The following LRRC9 variants were observed in gnomAD, a reference collection of about 807,000 sequenced individuals.
The protein encoded by LRRC9 is leucine rich repeat containing 9, also known as leucine-rich repeat-containing protein 9.
Under a neutral mutation model 63.2 loss-of-function variants are expected in LRRC9, and 122 were observed. That is an observed-to-expected ratio of 1.93 (90% CI 1.67 to 2.24). LRRC9 has a LOEUF of 2.24. Among genes scored for constraint, LRRC9 ranks in the 30% most tolerant of loss-of-function variants. LRRC9 has a pLI of 0.00. For synonymous variants in LRRC9, 366 were observed against 213.1 expected (o/e 1.72, Z -6.25); for missense variants, 1,071 against 627.7 (o/e 1.71, Z -7.55).
At chr14:60,055,731 TA>T (rs755671026) in intron 30 of LRRC9, among the ~76,000 whole-genome samples, 32 of 119,572 alleles carry the variant, frequency 2.7e-4, no homozygotes, top group African/African-American at 6.9e-4. Context: ...TGTCTCTATT[TA>T]AAAAAAAAAA....
At chr14:59,985,224 G>A (rs1305561250) in exon 17 of LRRC9, 1 of 630,328 alleles carries the variant, frequency 1.6e-6, no homozygotes. Context: ...TATACCACTT[G>A]GTAAGAATTG....
chr14:59,940,058 A>C (rs1881591812), intron 7 of LRRC9, among the ~76,000 whole-genome samples: 1 of 151,996 alleles, frequency 6.6e-6, no homozygotes, highest in African/African-American at 2.4e-5. Flanking sequence ...GAGACTGAAA[A>C]GGAGAACTAA....
chr14:60,013,081 G>T (rs570933522), intron 23 of LRRC9, among the ~76,000 whole-genome samples: 41 of 150,778 alleles, frequency 2.7e-4, no homozygotes, highest in African/African-American at 8.8e-4. Flanking sequence ...TTAGCATTAG[G>T]TATATCTCCT....
chr14:59,976,174 G>A (rs562552197), intron 13 of LRRC9, among the ~76,000 whole-genome samples: 2 of 152,192 alleles, frequency 1.3e-5, no homozygotes, highest in African/African-American at 2.4e-5. Flanking sequence ...ACACGCTCAG[G>A]GCTCCCACTG....
chr14:59,982,128 A>T (rs956939896), intron 16 of LRRC9, 68 bp downstream of exon 16: 1 of 646,294 alleles, frequency 1.5e-6, no homozygotes. Flanking sequence ...CTAGCATATG[A>T]AGTCAAAAGA....
In LRRC9 at chr14:59,958,286, T is replaced by G. The variant is rs115548901; in HGVS notation, c.883-1532T>G. Reference sequence around the variant, plus strand: ...GGTGCTCTGTCCCAGGGAAGTGGGGTTTTTGTGTGTAAACCCCTTACTGGG... The same window carrying G: ...GGTGCTCTGTCCCAGGGAAGTGGGGGTTTTGTGTGTAAACCCCTTACTGGG... On this transcript the variant is annotated intron_variant, in intron 8 of 31. Coordinates refer to ENST00000445360, the Ensembl canonical transcript of LRRC9. This position sits in a 1 kb window ranked among gnomAD's most constrained non-coding sequence, Gnocchi z 4.0. Among the ~76,000 whole-genome samples the G allele has an allele frequency of 0.014, 2,178 of 151,994 alleles. 53 individuals are homozygous for G. Among genetic ancestry groups the G allele is most frequent in the East Asian group, 0.059 (302 of 5,154 alleles).
chr14:60,056,218 G>A (rs1894274808), intron 30 of LRRC9, among the ~76,000 whole-genome samples: 2 of 152,130 alleles, frequency 1.3e-5, no homozygotes, highest in Admixed American at 6.6e-5. Context: ...ATATCTTTAG[G>A]GGAGGGGCAT....
chr14:60,055,736 AAAAAAAAAAAC>A (rs1259530769), intron 30 of LRRC9, among the ~76,000 whole-genome samples: 2 of 148,894 alleles, frequency 1.3e-5, no homozygotes, highest in Non-Finnish European at 3.0e-5. Flanking sequence ...CTATTTAAAA[AAAAAAAAAAAC>A]AAAAAAAACT....
chr14:59,963,165 C>T (rs907797323), intron 10 of LRRC9, among the ~76,000 whole-genome samples: 3 of 152,138 alleles, frequency 2.0e-5, no homozygotes, highest in African/African-American at 4.8e-5. Flanking sequence ...AGAACTAGGA[C>T]TGAAAGATTT....
At chr14:59,937,996 T>C (rs1266802100) in intron 6 of LRRC9, among the ~76,000 whole-genome samples, 1 of 151,366 alleles carries the variant, frequency 6.6e-6, no homozygotes, top group Non-Finnish European at 1.5e-5. Flanking sequence ...TGAAGAGGAG[T>C]GTTTCTAGGT....
chr14:60,060,667 G>A lies in LRRC9; in HGVS notation c.4276+2645G>A, dbSNP rs576904108. On this transcript the variant is annotated intron_variant, in intron 31 of 31. Transcript: ENST00000445360. This position sits in a 1 kb window ranked among gnomAD's most constrained non-coding sequence, Gnocchi z 4.0. ...GAGTCAAGAGAATGGCATGAACCTG[G>A]GAGGCGGAGCTTGCAGTGAACCGAG... Among the ~76,000 whole-genome samples the A allele has an allele frequency of 6.6e-6, 1 of 152,264 alleles. No homozygotes were observed. The highest frequency in any genetic ancestry group is 1.5e-5 in the Non-Finnish European group (1 of 68,010).
chr14:60,053,001 A>T lies in LRRC9; in HGVS notation c.3991-64A>T. ...TTGCCTATGCTAAATTTCCTTCTCT[A>T]TACAGGTTAATCTTTGAAATAAAAG... On this transcript the variant is annotated intron_variant, in intron 29 of 31. Transcript: ENST00000445360. The surrounding 1 kb of genome is among the most constrained non-coding windows in gnomAD (Gnocchi z 4.8). 1 of 654,734 alleles carries T rather than the reference A, an allele frequency of 1.5e-6. No individual in the cohort carries two copies. The highest frequency in any genetic ancestry group is 2.8e-6 in the Non-Finnish European group (1 of 360,510). The allele number at this position is 654,734 out of a possible 1,614,324, so 40.6% of individuals were successfully genotyped here.
Position 59,964,828 on chromosome 14 carries a change from G to C in LRRC9, c.1212-1761G>C, listed in dbSNP as rs1340167446. On this transcript the variant is annotated intron_variant, in intron 10 of 31. Coordinates refer to ENST00000445360, the Ensembl canonical transcript of LRRC9. The surrounding 1 kb of genome is among the most constrained non-coding windows in gnomAD (Gnocchi z 4.4). ...CTATTCATATCTGTCTCCTCTACCA[G>C]ACTGCGAGCTCCTCTGGGATTAGTT... is the stretch of plus-strand genomic sequence containing the variant. Among the ~76,000 whole-genome samples the C allele has an allele frequency of 7.3e-6, 1 of 136,112 alleles. No homozygotes were observed. Among genetic ancestry groups the C allele is most frequent in the African/African-American group, 2.6e-5 (1 of 38,814 alleles). The allele number at this position is 136,112 out of a possible 152,430, so 89.3% of individuals were successfully genotyped here. A position where few individuals can be genotyped will look rare whatever the true frequency, so the allele number is the denominator to read the frequency against.
exon 20 of LRRC9, chr14:60,002,068 C>A (rs1405884898): frequency 1.4e-6 from 1 of 701,772 alleles, no homozygotes; most frequent in Non-Finnish European, 2.6e-6. Flanking sequence ...GTTAGGACCT[C>A]ATTTACATCT....
rs188283508 is a variant in LRRC9 at position 59,923,081 on chromosome 14, A to G, written c.-34+3198A>G. 7.8e-4 allele frequency among the ~76,000 whole-genome samples: 119 copies of G among 152,298 alleles called. 1 individual carries two copies. The highest frequency in any genetic ancestry group is 2.8e-3 in the African/African-American group (116 of 41,550). On this transcript the variant is annotated intron_variant, in intron 1 of 31. Coordinates refer to ENST00000445360, the Ensembl canonical transcript of LRRC9. This position sits in a 1 kb window ranked among gnomAD's most constrained non-coding sequence, Gnocchi z 4.2. Reference sequence around the variant, plus strand: ...CTGAAAGAGCTTCGAAGAGCAGGAGAGTAGTTACAAGCTGGCCAACAGGAC... The same window carrying G: ...CTGAAAGAGCTTCGAAGAGCAGGAGGGTAGTTACAAGCTGGCCAACAGGAC...
At position 60,058,508 on chromosome 14, in the gene LRRC9, G is replaced by T. The variant is rs1392394759; in HGVS notation, c.4276+486G>T. ...AAATATTCATGAAGCAAATACTAGAGAAGGGCTTCAAGAGGTAGAGTTTTA... is the reference window on the plus strand; with the variant it reads ...AAATATTCATGAAGCAAATACTAGATAAGGGCTTCAAGAGGTAGAGTTTTA... On this transcript the variant is annotated intron_variant, in intron 31 of 31. Coordinates refer to ENST00000445360, the Ensembl canonical transcript of LRRC9. The surrounding 1 kb of genome is among the most constrained non-coding windows in gnomAD (Gnocchi z 4.4). 6.6e-6 allele frequency among the ~76,000 whole-genome samples: 1 copy of T among 152,170 alleles called. No homozygotes were observed. Among genetic ancestry groups the T allele is most frequent in the Non-Finnish European group, 1.5e-5 (1 of 68,014 alleles).
chr14:59,934,162 G>A lies in LRRC9; in HGVS notation c.543+2123G>A, dbSNP rs191151363. ...AAAAAAAAAGAAAAAAAGAAGAGGA[G>A]GAGGAGGAAAGACGAGGAAGAAATA... On this transcript the variant is annotated intron_variant, in intron 6 of 31. Coordinates refer to ENST00000445360, the Ensembl canonical transcript of LRRC9. 2.8e-4 allele frequency among the ~76,000 whole-genome samples: 42 copies of A among 152,202 alleles called. 1 individual carries two copies. The highest frequency in any genetic ancestry group is 2.8e-4 in the Non-Finnish European group (19 of 68,000).
chr14:60,041,923 G>T (rs1437563351), intron 29 of LRRC9, among the ~76,000 whole-genome samples: 1 of 152,174 alleles, frequency 6.6e-6, no homozygotes, highest in African/African-American at 2.4e-5. Context: ...TACAGATGGG[G>T]TTTTGGTATG....
chr14:60,059,184 A>G (rs540717781), intron 31 of LRRC9: 1 of 152,124 alleles, frequency 6.6e-6, no homozygotes, highest in Non-Finnish European at 1.5e-5. Flanking sequence ...TTTTTTACAA[A>G]TTGTAGGTTT....
Sources: allele counts gnomAD v4.1 joint callset (sites outside exome capture counted in the v4.1 genomes callset), GRCh38; gene constraint gnomAD v4.1.1; non-coding constraint Gnocchi (gnomAD v3.1); transcripts MANE v1.5; gene names NCBI Gene and HGNC (gene_info 2026-07-23, HGNC 2026-07-21).